The following LRRC7 variants were observed in gnomAD, a reference collection of about 807,000 sequenced individuals.
LRRC7 encodes the protein leucine rich repeat containing 7.
LRRC7 carries 23 observed loss-of-function variants against 175.7 expected under a neutral mutation model. The ratio of observed to expected loss-of-function variants is 0.13; its 90% CI spans 0.09 to 0.19. LRRC7 has a LOEUF of 0.19. LRRC7 is among the 10% of genes least tolerant of loss of function. LRRC7 has a pLI of 1.00. For synonymous variants in LRRC7, 685 were observed against 680.9 expected (o/e 1.01, Z -0.09); for missense variants, 1,354 against 1,904.7 (o/e 0.71, Z 5.38).
chr1:70,028,169 A>T lies in LRRC7; in HGVS notation c.1795-2A>T. Reference sequence around the variant, plus strand: ...GTTAAATTTCTTTTTGTAAACTTCTAGGTTGAAATAAACCTAAAACGATAT... The same window carrying T: ...GTTAAATTTCTTTTTGTAAACTTCTTGGTTGAAATAAACCTAAAACGATAT... On this transcript the variant is annotated splice_acceptor_variant, in intron 17 of 26. Coordinates refer to ENST00000651989, the MANE Select transcript of LRRC7 (RefSeq NM_001370785.2). LOFTEE classifies it high-confidence loss of function. 6.2e-7 allele frequency: 1 copy of T among 1,609,412 alleles called. No individual in the cohort carries two copies. Among genetic ancestry groups the T allele is most frequent in the Non-Finnish European group, 8.5e-7 (1 of 1,176,876 alleles).
chr1:69,575,992 G>T (rs1645929457), intron 1 of LRRC7, among the ~76,000 whole-genome samples: 1 of 152,058 alleles, frequency 6.6e-6, no homozygotes, highest in African/African-American at 2.4e-5. Flanking sequence ...AGCACTTTGG[G>T]AGGTTGAGGT....
chr1:69,810,021 C>T (rs1677638298), intron 4 of LRRC7, among the ~76,000 whole-genome samples: 1 of 152,106 alleles, frequency 6.6e-6, no homozygotes, highest in Admixed American at 6.6e-5. Context: ...ATTTAAAAAA[C>T]CCCATCGTCT....
At chr1:69,878,230 G>A (rs778759096) in intron 7 of LRRC7, among the ~76,000 whole-genome samples, 2 of 144,988 alleles carry the variant, frequency 1.4e-5, no homozygotes, top group South Asian at 4.4e-4. Context: ...AGCTTCATTA[G>A]TTTCTTGGAG....
At chr1:69,704,575 T>C (rs913234794) in intron 2 of LRRC7, among the ~76,000 whole-genome samples, 6 of 152,046 alleles carry the variant, frequency 3.9e-5, no homozygotes, top group African/African-American at 1.2e-4. Flanking sequence ...CATTTTTAAC[T>C]GAAATCTAGT....
intron 2 of LRRC7, among the ~76,000 whole-genome samples, chr1:69,703,125 A>G (rs1663582562): frequency 6.6e-6 from 1 of 151,990 alleles, no homozygotes; most frequent in Non-Finnish European, 1.5e-5. Flanking sequence ...ATTTTTATGA[A>G]TTTTACCTCA....
intron 1 of LRRC7, among the ~76,000 whole-genome samples, chr1:69,637,647 C>T (rs1340765): frequency 0.73 from 110,771 of 151,228 alleles, 40,894 homozygotes; most frequent in African/African-American, 0.81. Flanking sequence ...ACACGTTAAT[C>T]TTCTTTTCCT....
At chr1:70,021,963 G>A (rs1657548952) in intron 16 of LRRC7, among the ~76,000 whole-genome samples, 1 of 151,926 alleles carries the variant, frequency 6.6e-6, no homozygotes, top group Non-Finnish European at 1.5e-5. Flanking sequence ...CTTTATAATT[G>A]CATATGTGTT....
At chr1:69,747,263 T>G (rs1669356211) in intron 2 of LRRC7, among the ~76,000 whole-genome samples, 1 of 152,132 alleles carries the variant, frequency 6.6e-6, no homozygotes, top group Non-Finnish European at 1.5e-5. Context: ...TGAGTTTACT[T>G]GAAAATGATA....
At chr1:69,846,344 G>C (rs1048762058) in intron 7 of LRRC7, among the ~76,000 whole-genome samples, 10 of 152,078 alleles carry the variant, frequency 6.6e-5, no homozygotes, top group Admixed American at 5.9e-4. Flanking sequence ...GGAAGAGCTT[G>C]GAAGAGGTCA....
At chr1:69,616,138 C>A (rs1049630850) in intron 1 of LRRC7, among the ~76,000 whole-genome samples, 1 of 151,972 alleles carries the variant, frequency 6.6e-6, no homozygotes, top group African/African-American at 2.4e-5. Flanking sequence ...TTCTTAATAC[C>A]TGTCTTTAAG....
chr1:70,075,974 A>G (rs755938865), intron 23 of LRRC7, 103 bp from the exon 24 acceptor site: 1 of 1,216,706 alleles, frequency 8.2e-7, no homozygotes, highest in Non-Finnish European at 1.2e-6. Context: ...TGAGAGCCCA[A>G]ATGGTGCCGC....
intron 1 of LRRC7, among the ~76,000 whole-genome samples, chr1:69,643,073 A>G (rs528169272): frequency 6.6e-6 from 1 of 152,148 alleles, no homozygotes; most frequent in East Asian, 1.9e-4. Context: ...AAGTCCTGAA[A>G]TCTGAAGGCC....
chr1:69,758,665 C>G (rs1009496391), intron 2 of LRRC7, among the ~76,000 whole-genome samples: 1 of 151,962 alleles, frequency 6.6e-6, no homozygotes, highest in Non-Finnish European at 1.5e-5. Flanking sequence ...ATTCCACCCT[C>G]CACCCTCAGG....
intron 15 of LRRC7, among the ~76,000 whole-genome samples, chr1:70,019,144 T>C (rs1323929920): frequency 6.6e-6 from 1 of 152,034 alleles, no homozygotes; most frequent in Admixed American, 6.6e-5. Context: ...TGAAATGAGC[T>C]AAGAGCAGTC....
chr1:69,746,258 C>T (rs1341141454), intron 2 of LRRC7, among the ~76,000 whole-genome samples: 1 of 152,002 alleles, frequency 6.6e-6, no homozygotes, highest in Non-Finnish European at 1.5e-5. Context: ...GGATGTCCAT[C>T]ATATCCATTT....
chr1:69,620,389 A>T (rs2100311914), intron 1 of LRRC7, among the ~76,000 whole-genome samples: 1 of 152,306 alleles, frequency 6.6e-6, no homozygotes, highest in South Asian at 2.1e-4. Context: ...CATATATAAA[A>T]ATTCTAAGAC....
At chr1:69,675,759 G>A (rs1422362995) in intron 1 of LRRC7, among the ~76,000 whole-genome samples, 1 of 151,824 alleles carries the variant, frequency 6.6e-6, no homozygotes, top group Non-Finnish European at 1.5e-5. Context: ...GAAACTGCAG[G>A]GACAGACCTA....
At chr1:69,630,776 C>T (rs761988410) in intron 1 of LRRC7, among the ~76,000 whole-genome samples, 23 of 151,558 alleles carry the variant, frequency 1.5e-4, no homozygotes, top group Non-Finnish European at 3.2e-4. Flanking sequence ...TTTTTAATTG[C>T]TTGATATACC....
At chr1:69,717,790 GAAAGAAAGAAAGAAAGAAAGA>G (rs1303772383) in intron 2 of LRRC7, among the ~76,000 whole-genome samples, 22 of 19,830 alleles carry the variant, frequency 1.1e-3, no homozygotes, top group South Asian at 4.1e-3. Context: ...AAGAAAGAAA[GAAAGAAAGAAAGAAAGAAAGA>G]AAGAAAGAAA....
Sources: gnomAD v4.1 joint callset for allele counts (sites outside exome capture counted in the v4.1 genomes callset) on GRCh38, gnomAD v4.1.1 for gene constraint, MANE v1.5 for transcripts, NCBI Gene and HGNC (gene_info 2026-07-23, HGNC 2026-07-21) for gene names.